The following FGF13 variants were observed in gnomAD, a reference collection of about 807,000 sequenced individuals.
The protein encoded by FGF13 is fibroblast growth factor 13.
A neutral mutation model predicts 19.5 loss-of-function variants in FGF13; 2 were observed. That is an observed-to-expected ratio of 0.10 (90% CI 0.04 to 0.32). The LOEUF (loss-of-function observed/expected upper bound fraction) is 0.32, where lower values mean the gene tolerates loss of function less well. Ranked by LOEUF, FGF13 falls within the 10% of genes least tolerant of loss-of-function variation. FGF13 has a pLI of 1.00. For missense variants in FGF13, 113 were observed against 192.7 expected (o/e 0.59, Z 2.45); for synonymous variants, 72 against 76.9 (o/e 0.94, Z 0.33).
At chrX:139,148,561 T>C (rs751010808) in intron 1 of FGF13, among the ~76,000 whole-genome samples, 1 of 101,083 alleles carries the variant, frequency 9.9e-6, no homozygotes, top group Non-Finnish European at 2.0e-5. Flanking sequence ...CAAAATGCTA[T>C]AATGTGATTT....
At chrX:138,995,030 G>A (rs1409908078) in intron 1 of FGF13, among the ~76,000 whole-genome samples, 1 of 105,678 alleles carries the variant, frequency 9.5e-6, no homozygotes, top group Non-Finnish European at 1.9e-5. Flanking sequence ...AACACTCACA[G>A]TACCTCGTGT....
rs145147019 is a variant in FGF13 at position 138,970,293 on chromosome X, A to G, written c.-112-105643T>C. 9.3e-3 allele frequency among the ~76,000 whole-genome samples: 1,032 copies of G among 111,546 alleles called. 13 individuals are homozygous for G. Among genetic ancestry groups the G allele is most frequent in the African/African-American group, 0.031 (953 of 30,679 alleles). ...CAATAAGTATTTTTAAAAATAATTAAGCGGAGGAAGAGGAGGGCGGGCATC... is the reference window on the plus strand; with the variant it reads ...CAATAAGTATTTTTAAAAATAATTAGGCGGAGGAAGAGGAGGGCGGGCATC... On this transcript the variant is annotated intron_variant, in intron 1 of 2. Transcript: ENST00000421460.
At chrX:139,159,655 C>CA (rs550001786) in intron 1 of FGF13, among the ~76,000 whole-genome samples, 20,865 of 51,484 alleles carry the variant, frequency 0.41, 3,086 homozygotes, top group Non-Finnish European at 0.48. Flanking sequence ...AAAGAGAAAG[C>CA]AAAAAAAAAA....
intron 1 of FGF13, among the ~76,000 whole-genome samples, chrX:139,103,434 CAT>C (rs1213524657): frequency 8.9e-6 from 1 of 112,011 alleles, no homozygotes; most frequent in African/African-American, 3.3e-5. Flanking sequence ...CAAAAGGACA[CAT>C]ATTATAAGTC....
At chrX:138,810,758 A>C in intron 3 of FGF13, among the ~76,000 whole-genome samples, 1 of 112,184 alleles carries the variant, frequency 8.9e-6, no homozygotes, top group Non-Finnish European at 1.9e-5. Flanking sequence ...GAAAAAATCA[A>C]ACAACCCCAT....
chrX:139,027,889 T>G (rs1032732326), intron 1 of FGF13, among the ~76,000 whole-genome samples: 2 of 98,148 alleles, frequency 2.0e-5, no homozygotes, highest in Admixed American at 1.2e-4. Flanking sequence ...TCGTCTCAAA[T>G]TTTTGAAACA....
Position 139,003,682 on chromosome X carries a change from G to A in FGF13, c.-112-139032C>T, listed in dbSNP as rs371909428. Among the ~76,000 whole-genome samples the A allele has an allele frequency of 7.2e-5, 8 of 111,160 alleles. No individual in the cohort carries two copies. The East Asian group carries it at 1.1e-3, about 16-fold the overall frequency. On this transcript the variant is annotated intron_variant, in intron 1 of 2. Transcript: ENST00000421460. ...CCAGAGCAGCTAGATACAGAGTGTC[G>A]ATTGGTGCATTCACAAACCCTGAGC...
Position 138,622,863 on chromosome X carries a change from A to C in FGF13, c.*9987T>G, listed in dbSNP as rs1302660953. 8.9e-6 allele frequency: 1 copy of C among 111,943 alleles called. No homozygotes were observed. Among genetic ancestry groups the C allele is most frequent in the Non-Finnish European group, 1.9e-5 (1 of 53,144 alleles). The allele number at this position is 111,943 out of a possible 1,213,427, so 9.2% of individuals were successfully genotyped here. On this transcript the variant is annotated 3_prime_UTR_variant, in exon 5 of 5. Transcript: ENST00000315930. ...AGGGCTTGCATTGACTCTGTAGATC[A>C]CTTTAGTTAGTATTAACATTTCTGT...
At chrX:138,974,135 T>C (rs1002939733) in intron 1 of FGF13, among the ~76,000 whole-genome samples, 7 of 111,877 alleles carry the variant, frequency 6.3e-5, no homozygotes, top group Non-Finnish European at 9.4e-5. Context: ...AATAAATATA[T>C]TGCTATTGTT....
chrX:139,120,793 T>A (rs892267656), intron 1 of FGF13, among the ~76,000 whole-genome samples: 1 of 112,989 alleles, frequency 8.9e-6, no homozygotes, highest in African/African-American at 3.2e-5. Context: ...CACTGTGGGC[T>A]GTGGGCCAGC....
At chrX:139,030,866 T>C (rs912239921) in intron 1 of FGF13, among the ~76,000 whole-genome samples, 1 of 112,048 alleles carries the variant, frequency 8.9e-6, no homozygotes, top group African/African-American at 3.2e-5. Flanking sequence ...ATTCAATTAG[T>C]CAAATGCTAG....
intron 1 of FGF13, among the ~76,000 whole-genome samples, chrX:139,032,105 T>G (rs1401098760): frequency 1.8e-5 from 2 of 111,518 alleles, no homozygotes; most frequent in South Asian, 3.8e-4. Flanking sequence ...ACACTAAATG[T>G]TAACATTATT....
intron 1 of FGF13, among the ~76,000 whole-genome samples, chrX:139,149,720 G>A (rs1175358614): frequency 1.8e-5 from 2 of 111,847 alleles, no homozygotes; most frequent in African/African-American, 6.5e-5. Context: ...GGAAATCTGT[G>A]GTCTCTTATT....
At chrX:139,110,256 C>A (rs1346733347) in intron 1 of FGF13, among the ~76,000 whole-genome samples, 2 of 109,604 alleles carry the variant, frequency 1.8e-5, no homozygotes, top group Non-Finnish European at 3.8e-5. Context: ...ATATATAAAA[C>A]ATAAAAAGAT....
intron 1 of FGF13, among the ~76,000 whole-genome samples, chrX:138,982,019 G>A (rs1308662138): frequency 4.5e-5 from 5 of 111,620 alleles, no homozygotes; most frequent in Non-Finnish European, 7.5e-5. Context: ...ACTTTAGCGA[G>A]CATGAGGATA....
chrX:138,905,559 G>C (rs1025423578), intron 1 of FGF13, among the ~76,000 whole-genome samples: 1 of 111,929 alleles, frequency 8.9e-6, no homozygotes, highest in African/African-American at 3.3e-5. Flanking sequence ...CTGCCCTAGA[G>C]AGCTCAGTGG....
chrX:139,142,511 A>G (rs911002191), intron 1 of FGF13, among the ~76,000 whole-genome samples: 6 of 111,415 alleles, frequency 5.4e-5, no homozygotes, highest in Non-Finnish European at 1.1e-4. Context: ...AAATCTCTCT[A>G]ATTCTTAACA....
At position 138,615,148 on chromosome X, in the gene FGF13, A is replaced by C. The variant is rs1164809797; in HGVS notation, c.*17702T>G. On this transcript the variant is annotated 3_prime_UTR_variant, in exon 5 of 5. Transcript: ENST00000315930. ...TACCCAAATATACACATGTGGTAAA[A>C]TTGCATAGACCTACACACATAAACG... The C allele has an allele frequency of 1.8e-5, 2 of 111,431 alleles. No homozygotes were observed. Among genetic ancestry groups the C allele is most frequent in the Non-Finnish European group, 3.8e-5 (2 of 53,060 alleles). The allele number at this position is 111,431 out of a possible 1,213,427, so 9.2% of individuals were successfully genotyped here.
intron 1 of FGF13, among the ~76,000 whole-genome samples, chrX:139,060,418 C>A (rs2092333058): frequency 9.0e-6 from 1 of 111,255 alleles, no homozygotes; most frequent in South Asian, 3.7e-4. Context: ...AATTAAATAA[C>A]TAGCTAACGA....
Sources: allele counts gnomAD v4.1 joint callset (sites outside exome capture counted in the v4.1 genomes callset), GRCh38; gene constraint gnomAD v4.1.1; transcripts MANE v1.5; gene names NCBI Gene and HGNC (gene_info 2026-07-23, HGNC 2026-07-21).